RANBP10: variants seen among roughly 807,000 people sequenced by gnomAD.
The protein encoded by RANBP10 is ran-binding protein 10.
Under a neutral mutation model 72.8 loss-of-function variants are expected in RANBP10, and 24 were observed. The ratio of observed to expected loss-of-function variants is 0.33; its 90% confidence interval spans 0.24 to 0.46. The LOEUF is 0.46. Among genes scored for constraint, RANBP10 ranks in the 20% least tolerant of loss-of-function variants. The pLI, the probability that RANBP10 is intolerant of heterozygous loss-of-function variation, is 1.00. For synonymous variants in RANBP10, 310 were observed against 322.3 expected, an observed-to-expected ratio of 0.96 and a Z score of 0.41; for missense variants, 679 against 817.5, an observed-to-expected ratio of 0.83 and a Z score of 2.07.
chr16:67,785,877 T>C (rs1218733461), intron 2 of RANBP10, among the ~76,000 whole-genome samples: 3 of 151,078 alleles, frequency 2.0e-5, no homozygotes, highest in Non-Finnish European at 4.4e-5. Flanking sequence ...ATACAAAAAA[T>C]TAGCCGAGCA....
chr16:67,728,261 C>G, intron 11 of RANBP10, 129 bp downstream of exon 11: 1 of 1,002,154 alleles, frequency 1.0e-6, no homozygotes, highest in African/African-American at 1.6e-5. Flanking sequence ...GCTAAGGAGG[C>G]TGTGGACCAG....
intron 2 of RANBP10, among the ~76,000 whole-genome samples, chr16:67,798,795 C>A (rs1266725228): frequency 1.3e-5 from 2 of 152,196 alleles, no homozygotes; most frequent in Non-Finnish European, 2.9e-5. Context: ...GCCAGAGAAG[C>A]CTGGCTGAAC....
Position 67,772,067 on chromosome 16 carries a change from A to C in RANBP10, c.367T>G (p.Ser123Ala), listed in dbSNP as rs200217657. Residue 123 changes from serine (S) to alanine (A), a missense_variant, in exon 3 of 14, where the codon TCG becomes GCG. Coordinates refer to ENST00000317506, the MANE Select transcript of RANBP10 (RefSeq NM_020850.3). ...CTGTTCATGTTGACGCCTTGAGCCG[A>C]GAGTCCTATTCCCATGTAACTTCAA... The part of the protein sequence containing the change: ...GRDGYMGIGL[S>A]AQGVNMNRLP... The C allele has an allele frequency of 9.0e-6, 14 of 1,553,762 alleles. No homozygotes were observed. In the East Asian group the frequency reaches 3.2e-4, roughly 35 times the overall value.
chr16:67,776,664 T>C (rs2054711118), intron 2 of RANBP10, among the ~76,000 whole-genome samples: 1 of 149,780 alleles, frequency 6.7e-6, no homozygotes, highest in Non-Finnish European at 1.5e-5. Context: ...TCCCAGCTAC[T>C]TGGGAGGCCA....
intron 2 of RANBP10, among the ~76,000 whole-genome samples, chr16:67,803,830 T>TAA (rs1186108487): frequency 1.1e-4 from 10 of 91,602 alleles, no homozygotes; most frequent in Admixed American, 2.5e-4. Flanking sequence ...CCCATCTCAT[T>TAA]AAAAAAAAAA....
At chr16:67,745,431 T>C (rs2054052872) in intron 3 of RANBP10, among the ~76,000 whole-genome samples, 1 of 151,870 alleles carries the variant, frequency 6.6e-6, no homozygotes, top group Admixed American at 6.6e-5. Flanking sequence ...GCCTCCCAGG[T>C]TCAAGTGATT....
intron 2 of RANBP10, among the ~76,000 whole-genome samples, chr16:67,786,222 G>A (rs917537062): frequency 6.6e-6 from 1 of 151,796 alleles, no homozygotes; most frequent in African/African-American, 2.4e-5. Context: ...CCAGCTACTT[G>A]GGATGCTGAG....
chr16:67,776,709 T>C (rs1447325807), intron 2 of RANBP10, among the ~76,000 whole-genome samples: 1 of 144,152 alleles, frequency 6.9e-6, no homozygotes, highest in Non-Finnish European at 1.5e-5. Context: ...GGGGCAGAAG[T>C]GGCAATAAGC....
At chr16:67,768,561 C>T (rs1418387354) in intron 3 of RANBP10, among the ~76,000 whole-genome samples, 4 of 151,226 alleles carry the variant, frequency 2.6e-5, no homozygotes, top group African/African-American at 9.8e-5. Context: ...AATAAAAATA[C>T]AAAAACTAGC....
intron 3 of RANBP10, among the ~76,000 whole-genome samples, chr16:67,750,261 G>A (rs1375496021): frequency 6.6e-6 from 1 of 152,198 alleles, no homozygotes; most frequent in Admixed American, 6.5e-5. Flanking sequence ...CTTTCAGGAA[G>A]GCTGCTTGCT....
chr16:67,794,373 G>A (rs1031634223), intron 2 of RANBP10, among the ~76,000 whole-genome samples: 1 of 151,582 alleles, frequency 6.6e-6, no homozygotes, highest in African/African-American at 2.4e-5. Flanking sequence ...GGGGGCGGAG[G>A]TTGGAGTGAG....
chr16:67,736,284 C>A (rs1392742578), intron 5 of RANBP10, among the ~76,000 whole-genome samples: 2 of 152,166 alleles, frequency 1.3e-5, no homozygotes, highest in Non-Finnish European at 2.9e-5. Flanking sequence ...GCCTCAGCCT[C>A]CTGAGTAGCT....
At chr16:67,744,488 G>A (rs933738505) in intron 3 of RANBP10, 33 bp from the exon 4 acceptor site, 2 of 1,578,986 alleles carry the variant, frequency 1.3e-6, no homozygotes, top group South Asian at 1.1e-5. Flanking sequence ...TAACTGAGTA[G>A]GTACTTGAGG....
chr16:67,764,215 G>A (rs1280213937), intron 3 of RANBP10, among the ~76,000 whole-genome samples: 1 of 152,216 alleles, frequency 6.6e-6, no homozygotes, highest in Admixed American at 6.5e-5. Flanking sequence ...AAGGGGCTTA[G>A]TTCCACACTT....
chr16:67,775,422 G>A (rs1350377614), intron 2 of RANBP10, among the ~76,000 whole-genome samples: 1 of 152,146 alleles, frequency 6.6e-6, no homozygotes, highest in African/African-American at 2.4e-5. Context: ...GACAGTATTG[G>A]GAGTTCTAGA....
At chr16:67,766,647 T>G (rs1357451312) in intron 3 of RANBP10, among the ~76,000 whole-genome samples, 1 of 152,180 alleles carries the variant, frequency 6.6e-6, no homozygotes, top group Non-Finnish European at 1.5e-5. Flanking sequence ...CAGAAGCAGA[T>G]GCTGGAGCTA....
intron 2 of RANBP10, among the ~76,000 whole-genome samples, chr16:67,798,693 A>G (rs191293860): frequency 1.3e-5 from 2 of 152,304 alleles, no homozygotes; most frequent in Admixed American, 1.3e-4. Context: ...TACCAAAGGA[A>G]CAGCCAAGAG....
intron 2 of RANBP10, among the ~76,000 whole-genome samples, chr16:67,775,488 T>G (rs1053345180): frequency 1.2e-4 from 18 of 151,948 alleles, no homozygotes; most frequent in African/African-American, 4.4e-4. Context: ...AAAGGAAAAC[T>G]ATCTCTGTTC....
chr16:67,803,259 A>T (rs1397281121), intron 2 of RANBP10, among the ~76,000 whole-genome samples: 2 of 152,150 alleles, frequency 1.3e-5, no homozygotes, highest in Non-Finnish European at 2.9e-5. Flanking sequence ...CGGGTGCAGT[A>T]GCTCATGCCT....
Sources: gnomAD v4.1 joint callset for allele counts (sites outside exome capture counted in the v4.1 genomes callset) on GRCh38, gnomAD v4.1.1 for gene constraint, MANE v1.5 for transcripts, NCBI Gene and HGNC (gene_info 2026-07-23, HGNC 2026-07-21) for gene names.